FUT9: variants seen among roughly 807,000 people sequenced by gnomAD.
The protein encoded by FUT9 is fucosyltransferase 9, also known as 4-galactosyl-N-acetylglucosaminide 3-alpha-L-fucosyltransferase 9.
A neutral mutation model predicts 29.7 loss-of-function variants in FUT9; 15 were observed. That is an observed-to-expected ratio of 0.51 (90% confidence interval 0.34 to 0.78). The LOEUF (loss-of-function observed/expected upper bound fraction) is 0.78, where lower values mean the gene tolerates loss of function less well. Ranked by LOEUF, FUT9 falls within the 30% of genes least tolerant of loss-of-function variation. The probability of loss-of-function intolerance (pLI) is 0.01; values close to 1 mark genes in which losing one functional copy is unlikely to be tolerated. For missense variants in FUT9, 319 were observed against 425.4 expected, an observed-to-expected ratio of 0.75 and a Z score of 2.20; for synonymous variants, 169 against 153.7, an observed-to-expected ratio of 1.10 and a Z score of -0.74.
In FUT9 at chr6:96,068,903, A is replaced by G. The variant is rs532324350; in HGVS notation, c.-97-45136A>G. On this transcript the variant is annotated intron_variant, in intron 1 of 2. Transcript: ENST00000302103. ...AAAAGAAGTAAAATTGTGAAGTCAG[A>G]TAAACTGTCTGGAAACAAGCATGTT... is the stretch of plus-strand genomic sequence containing the variant. Among the ~76,000 whole-genome samples the G allele has an allele frequency of 2.3e-3, 351 of 152,354 alleles. 1 individual carries two copies. Among genetic ancestry groups the G allele is most frequent in the African/African-American group, 8.2e-3 (343 of 41,578 alleles).
rs1773841740 is a variant in FUT9, at chr6:96,206,978, A to G, written c.*2743A>G. 1 of 167,038 alleles carries G rather than the reference A, an allele frequency of 6.0e-6. No homozygotes were observed. The highest frequency in any genetic ancestry group is 1.5e-5 in the Non-Finnish European group (1 of 68,112). The allele number at this position is 167,038 out of a possible 1,614,324, so 10.3% of individuals were successfully genotyped here. A position where few individuals can be genotyped will look rare whatever the true frequency, so the allele number is the denominator to read the frequency against. On this transcript the variant is annotated 3_prime_UTR_variant, in exon 3 of 3. Transcript: ENST00000302103. The stretch of plus-strand genomic sequence containing the variant: ...GCAAGTAGAGGCAGTACTACTAAGT[A>G]TCTAGCAGGTGCTTTGAAACCCCAT...
At chr6:96,067,474 A>C (rs1235791055) in intron 1 of FUT9, among the ~76,000 whole-genome samples, 1 of 152,164 alleles carries the variant, frequency 6.6e-6, no homozygotes, top group African/African-American at 2.4e-5. Context: ...ATCGTATCAG[A>C]GGCATCATGA....
intron 1 of FUT9, among the ~76,000 whole-genome samples, chr6:96,061,354 A>T (rs1005897691): frequency 2.9e-5 from 4 of 138,424 alleles, no homozygotes; most frequent in African/African-American, 1.1e-4. Flanking sequence ...CATAACATAT[A>T]TTATTATCTT....
chr6:96,086,846 G>A (rs1263792969), intron 1 of FUT9, among the ~76,000 whole-genome samples: 1 of 152,076 alleles, frequency 6.6e-6, no homozygotes, highest in Non-Finnish European at 1.5e-5. Flanking sequence ...CACACTAAAG[G>A]AAGATACTGT....
At chr6:96,043,083 A>G (rs72924142) in intron 1 of FUT9, among the ~76,000 whole-genome samples, 5,900 of 152,008 alleles carry the variant, frequency 0.039, 157 homozygotes, top group South Asian at 0.12. Flanking sequence ...TTTTGGTCTC[A>G]CTCTGTCGCC....
intron 1 of FUT9, among the ~76,000 whole-genome samples, chr6:96,026,959 A>G (rs1188942937): frequency 6.6e-6 from 1 of 151,696 alleles, no homozygotes; most frequent in Non-Finnish European, 1.5e-5. Flanking sequence ...AGATGAACTG[A>G]AAGTAACAGT....
At chr6:96,074,349 T>C (rs1020362155) in intron 1 of FUT9, among the ~76,000 whole-genome samples, 7 of 152,176 alleles carry the variant, frequency 4.6e-5, no homozygotes, top group African/African-American at 1.7e-4. Context: ...TTCTTCCCAG[T>C]CATTTCTTGG....
intron 1 of FUT9, among the ~76,000 whole-genome samples, chr6:96,027,893 T>TA (rs954928169): frequency 2.0e-5 from 3 of 151,750 alleles, no homozygotes; most frequent in Admixed American, 2.0e-4. Flanking sequence ...GTTTTCTTCA[T>TA]AAAAAAACAG....
At chr6:96,018,924 C>T (rs1316092348) in intron 1 of FUT9, among the ~76,000 whole-genome samples, 5 of 151,172 alleles carry the variant, frequency 3.3e-5, no homozygotes, top group African/African-American at 1.2e-4. Flanking sequence ...ATTTAGTTAC[C>T]TTATTTGATT....
chr6:96,124,602 G>T (rs1247447095), intron 2 of FUT9, among the ~76,000 whole-genome samples: 1 of 151,288 alleles, frequency 6.6e-6, no homozygotes, highest in East Asian at 1.9e-4. Context: ...ATGGCTTCTA[G>T]TCTCCTCCCA....
intron 2 of FUT9, among the ~76,000 whole-genome samples, chr6:96,172,123 A>G (rs916217771): frequency 2.5e-4 from 38 of 152,090 alleles, no homozygotes; most frequent in African/African-American, 9.2e-4. Flanking sequence ...GTATCCTCAC[A>G]TGGTGGAAAG....
At position 96,206,533 on chromosome 6, in the gene FUT9, G is replaced by T. The variant is rs1263641207; in HGVS notation, c.*2298G>T. ...GCCGGAGTGCAGTGGTGCAGTCTCG[G>T]CTCACTGCAACCTCGGCCTCCCAGG... On this transcript the variant is annotated 3_prime_UTR_variant, in exon 3 of 3. Coordinates refer to ENST00000302103, the MANE Select transcript of FUT9 (RefSeq NM_006581.4). The T allele has an allele frequency of 6.0e-6, 1 of 166,756 alleles. No individual in the cohort carries two copies. Among genetic ancestry groups the T allele is most frequent in the African/African-American group, 2.4e-5 (1 of 41,438 alleles). The allele number at this position is 166,756 out of a possible 1,614,324, so 10.3% of individuals were successfully genotyped here. A position where few individuals can be genotyped will look rare whatever the true frequency, so the allele number is the denominator to read the frequency against.
intron 1 of FUT9, among the ~76,000 whole-genome samples, chr6:96,100,227 ACCAACACACACAC>A (rs1249646004): frequency 8.8e-6 from 1 of 113,120 alleles, no homozygotes; most frequent in East Asian, 2.6e-4. Flanking sequence ...ACACACACAC[ACCAACACACACAC>A]ACACACACAC....
intron 2 of FUT9, among the ~76,000 whole-genome samples, chr6:96,169,951 A>G (rs1479222723): frequency 6.6e-6 from 1 of 152,170 alleles, no homozygotes; most frequent in African/African-American, 2.4e-5. Flanking sequence ...CAGGTTATTT[A>G]TTTCACATGT....
intron 2 of FUT9, among the ~76,000 whole-genome samples, chr6:96,165,387 C>T (rs1772996805): frequency 6.6e-6 from 1 of 151,420 alleles, no homozygotes; most frequent in Non-Finnish European, 1.5e-5. Flanking sequence ...GCCAAGATCA[C>T]ACCACTGCAC....
At position 96,209,857 on chromosome 6, in the gene FUT9, T is replaced by G. The variant is rs1233452244; in HGVS notation, c.*5622T>G. 4 of 166,550 alleles carry G rather than the reference T, an allele frequency of 2.4e-5. No homozygotes were observed. Among genetic ancestry groups the G allele is most frequent in the Non-Finnish European group, 5.9e-5 (4 of 68,002 alleles). 10.3% of individuals were successfully genotyped at this position (166,550 alleles called of 1,614,324 possible). On this transcript the variant is annotated 3_prime_UTR_variant, in exon 3 of 3. Transcript: ENST00000302103. ...GATTTCTGGGCTTTGAGCCATGAAATTAGAATTTCTTCAAATAATCCATGC... is the reference window on the plus strand; with the variant it reads ...GATTTCTGGGCTTTGAGCCATGAAAGTAGAATTTCTTCAAATAATCCATGC...
intron 2 of FUT9, among the ~76,000 whole-genome samples, chr6:96,143,204 A>G (rs895870000): frequency 1.3e-5 from 2 of 152,192 alleles, no homozygotes; most frequent in African/African-American, 2.4e-5. Flanking sequence ...AAGAAGCTCT[A>G]AAGAGCTGCC....
At chr6:96,162,711 C>T (rs1334336988) in intron 2 of FUT9, among the ~76,000 whole-genome samples, 1 of 152,134 alleles carries the variant, frequency 6.6e-6, no homozygotes, top group Non-Finnish European at 1.5e-5. Context: ...AACTAGTGTC[C>T]TTGTTTTGTC....
intron 2 of FUT9, among the ~76,000 whole-genome samples, chr6:96,158,965 T>A (rs1410013824): frequency 6.6e-6 from 1 of 152,202 alleles, no homozygotes; most frequent in Non-Finnish European, 1.5e-5. Context: ...GTAAACATTA[T>A]AGTAACCACT....
Sources: gnomAD v4.1 joint callset for allele counts (sites outside exome capture counted in the v4.1 genomes callset) on GRCh38, gnomAD v4.1.1 for gene constraint, MANE v1.5 for transcripts, NCBI Gene and HGNC (gene_info 2026-07-23, HGNC 2026-07-21) for gene names.